Variants in RTN4 observed in about 807,000 individuals in gnomAD.
RTN4 encodes the protein reticulon-4.
A neutral mutation model predicts 90.4 loss-of-function variants in RTN4; 32 were observed. The ratio of observed to expected loss-of-function variants is 0.35; its 90% confidence interval spans 0.27 to 0.48. RTN4 has a LOEUF of 0.48. Ranked by LOEUF, RTN4 falls within the 20% of genes least tolerant of loss-of-function variation. The pLI, the probability that RTN4 is intolerant of heterozygous loss-of-function variation, is 0.99. For synonymous variants in RTN4, 629 were observed against 552.5 expected (o/e 1.14, Z -1.94); for missense variants, 1,706 against 1,430.2 (o/e 1.19, Z -3.11).
the RTN4 span, among the ~76,000 whole-genome samples, chr2:55,136,786 T>C: frequency 5.9e-5 from 9 of 152,274 alleles, no homozygotes; most frequent in Admixed American, 5.9e-4. Context: ...TTATTTCTAT[T>C]GGACAGTGCA....
chr2:55,130,102 G>A, the RTN4 span, among the ~76,000 whole-genome samples: 1 of 152,288 alleles, frequency 6.6e-6, no homozygotes, highest in South Asian at 2.1e-4. Context: ...AAAACAACCT[G>A]AATGTCCTCT....
the RTN4 span, among the ~76,000 whole-genome samples, chr2:55,136,601 G>C: frequency 6.6e-6 from 1 of 152,214 alleles, no homozygotes; most frequent in Non-Finnish European, 1.5e-5. Context: ...CAAGAATCAA[G>C]CTGCCACAGA....
intron 3 of RTN4, among the ~76,000 whole-genome samples, chr2:55,004,952 G>A (rs764643913): frequency 4.6e-5 from 7 of 152,018 alleles, no homozygotes; most frequent in Non-Finnish European, 7.4e-5. Flanking sequence ...AAGGAGAACC[G>A]GGCCTTTGAT....
upstream of RTN4, among the ~76,000 whole-genome samples, chr2:55,055,108 T>C (rs939974661): frequency 3.9e-5 from 6 of 152,066 alleles, no homozygotes; most frequent in African/African-American, 1.4e-4. Context: ...TCTTTCTCCT[T>C]TAACTGTTTT....
chr2:54,973,381 C>A (rs1291986590), intron 8 of RTN4, 182 bp downstream of exon 8: 2 of 760,214 alleles, frequency 2.6e-6, no homozygotes, highest in African/African-American at 1.8e-5. Flanking sequence ...AAGCCTTAAA[C>A]ACATAATAAA....
chr2:55,095,905 T>C (rs1669023985), intron 1 of RTN4, among the ~76,000 whole-genome samples: 1 of 152,218 alleles, frequency 6.6e-6, no homozygotes, highest in Admixed American at 6.5e-5. Flanking sequence ...GAGCAGGGAC[T>C]GATCAGGCAA....
At chr2:55,128,452 T>C in the RTN4 span, among the ~76,000 whole-genome samples, 3 of 152,292 alleles carry the variant, frequency 2.0e-5, no homozygotes, top group South Asian at 4.1e-4. Flanking sequence ...CGTGGAGTTC[T>C]AGACCCCCAG....
intron 3 of RTN4, among the ~76,000 whole-genome samples, chr2:54,989,152 G>T (rs1438548291): frequency 6.6e-6 from 1 of 152,112 alleles, no homozygotes; most frequent in Non-Finnish European, 1.5e-5. Flanking sequence ...CACAATGTTG[G>T]ATATTAGTAC....
chr2:54,972,990 A>C lies in RTN4; in HGVS notation c.*166T>G, dbSNP rs201164478. The C allele has an allele frequency of 5.5e-6, 3 of 541,564 alleles. No individual in the cohort carries two copies. The highest frequency in any genetic ancestry group is 1.0e-5 in the Non-Finnish European group (3 of 299,818). 33.5% of individuals were successfully genotyped at this position (541,564 alleles called of 1,614,324 possible). On this transcript the variant is annotated 3_prime_UTR_variant, in exon 9 of 9. Transcript: ENST00000337526. ...AGATGATGAACACATGGCAGTCAAG[A>C]CAGGTAATTTTTCCTCACAACAGTG...
intron 1 of RTN4, among the ~76,000 whole-genome samples, chr2:55,088,218 G>C (rs1170691153): frequency 2.6e-5 from 4 of 152,228 alleles, no homozygotes; most frequent in Admixed American, 2.6e-4. Flanking sequence ...TATCCTTAGG[G>C]CCCAGCCCTC....
chr2:55,126,709 T>C, the RTN4 span, among the ~76,000 whole-genome samples: 1 of 152,138 alleles, frequency 6.6e-6, no homozygotes, highest in African/African-American at 2.4e-5. Context: ...GATTCTATCA[T>C]AAAGAAACAT....
chr2:55,137,321 G>A, the RTN4 span, among the ~76,000 whole-genome samples: 12 of 152,204 alleles, frequency 7.9e-5, no homozygotes, highest in Non-Finnish European at 1.6e-4. Context: ...AAGGAGGCCA[G>A]AGAGGGGGCC....
At chr2:55,008,749 T>G (rs1401245865) in intron 3 of RTN4, among the ~76,000 whole-genome samples, 6 of 151,130 alleles carry the variant, frequency 4.0e-5, no homozygotes, top group African/African-American at 1.5e-4. Context: ...GATTTAAGAC[T>G]TAAGTTATTA....
At chr2:55,007,733 T>G (rs900837549) in intron 3 of RTN4, among the ~76,000 whole-genome samples, 1 of 152,162 alleles carries the variant, frequency 6.6e-6, no homozygotes, top group Non-Finnish European at 1.5e-5. Flanking sequence ...TAAGAAGCAC[T>G]AGATGATTCT....
At chr2:55,096,044 C>A (rs1191283878) in intron 1 of RTN4, among the ~76,000 whole-genome samples, 1 of 152,080 alleles carries the variant, frequency 6.6e-6, no homozygotes, top group Non-Finnish European at 1.5e-5. Flanking sequence ...AGAGCGCATG[C>A]TGGGCCGGGT....
At chr2:55,131,582 T>A in the RTN4 span, among the ~76,000 whole-genome samples, 1 of 152,148 alleles carries the variant, frequency 6.6e-6, no homozygotes, top group African/African-American at 2.4e-5. Flanking sequence ...GTAAAAGATA[T>A]CAGAAAAACT....
chr2:55,058,439 C>A (rs186587493), intron 2 of RTN4, among the ~76,000 whole-genome samples: 2 of 152,326 alleles, frequency 1.3e-5, no homozygotes, highest in East Asian at 3.9e-4. Context: ...AAATCAGATT[C>A]ATTTTTTTAC....
Position 55,049,992 on chromosome 2 carries a change from C to T in RTN4, c.309G>A (p.Glu103=). The T allele has an allele frequency of 7.3e-7, 1 of 1,376,144 alleles. No homozygotes were observed. Among genetic ancestry groups the T allele is most frequent in the Non-Finnish European group, 9.3e-7 (1 of 1,072,524 alleles). 85.2% of individuals were successfully genotyped at this position (1,376,144 alleles called of 1,614,324 possible). A position where few individuals can be genotyped will look rare whatever the true frequency, so the allele number is the denominator to read the frequency against. The change falls in exon 1 of 9, where the codon GAG becomes GAA. Residue 103 remains glutamate (E), a synonymous_variant. Transcript: ENST00000337526. The part of the protein sequence containing the change: ...PLPAAPPVAP[E]RQPSWDPSPV... ...GGCTCGGGTCCCAAGACGGCTGCCG[C>T]TCCGGGGCGACGGGGGGAGCGGCCG... is the stretch of plus-strand genomic sequence containing the variant.
upstream of RTN4, among the ~76,000 whole-genome samples, chr2:55,051,487 G>A (rs1363652452): frequency 6.6e-6 from 1 of 152,212 alleles, no homozygotes; most frequent in African/African-American, 2.4e-5. Flanking sequence ...AGGCTGGAGA[G>A]TTTAAAGAGA....
Sources: gnomAD v4.1 joint callset for allele counts (sites outside exome capture counted in the v4.1 genomes callset) on GRCh38, gnomAD v4.1.1 for gene constraint, MANE v1.5 for transcripts, NCBI Gene and HGNC (gene_info 2026-07-23, HGNC 2026-07-21) for gene names.